ENDOV: variants seen among roughly 807,000 people sequenced by gnomAD.
ENDOV encodes the protein hEndoV.
ENDOV carries 37 observed loss-of-function variants against 39.4 expected under a neutral mutation model. The ratio of observed to expected loss-of-function variants is 0.94; its 90% CI spans 0.72 to 1.23. The LOEUF (loss-of-function observed/expected upper bound fraction) is 1.23, where lower values mean the gene tolerates loss of function less well. ENDOV is among the 50% of genes most tolerant of loss of function. The pLI is 0.00. For missense variants in ENDOV, 441 were observed against 375.7 expected (o/e 1.17, Z -1.44); for synonymous variants, 186 against 163.4 (o/e 1.14, Z -1.05).
intron 5 of ENDOV, 71 bp from the exon 6 acceptor site, chr17:80,424,959 AAT>A (rs1275342196): frequency 7.5e-7 from 1 of 1,335,022 alleles, no homozygotes; most frequent in African/African-American, 1.5e-5. Flanking sequence ...CGTCTCAAAA[AAT>A]AGAGACTTGC....
At chr17:80,418,111 G>A (rs938822840) in intron 2 of ENDOV, 4 of 152,148 alleles carry the variant, frequency 2.6e-5, no homozygotes, top group African/African-American at 9.7e-5. Context: ...CTAGCATAGG[G>A]AGTGGGGACA....
At position 80,415,683 on chromosome 17, in the gene ENDOV, C is replaced by G; in HGVS notation, c.90C>G (p.Asp30Glu). 3 of 1,612,420 alleles carry G rather than the reference C, an allele frequency of 1.9e-6. No homozygotes were observed. The highest frequency in any genetic ancestry group is 2.5e-6 in the Non-Finnish European group (3 of 1,179,344). Residue 30 changes from aspartate (D) to glutamate (E), a missense_variant, in exon 2 of 10, where the codon GAC becomes GAG. Transcript: ENST00000518137. ...CTCGGCTGAAGGCCCACGTCGTAGA[C>G]CGGGACACCGAGGCGTGGCAGCGAG... ...EQARLKAHVV[D>E]RDTEAWQRDP... is the part of the protein sequence containing the mutation.
rs2081039725 is a variant in ENDOV at position 80,415,779 on chromosome 17, C to T, written c.186C>T (p.Arg62=). ...CCTTCGTGAAAGGGGACAGTGTCCG[C>T]GCTTGTGCTTCCCTGGTGGTGCTCA... The part of the protein sequence containing the change: ...DVSFVKGDSV[R]ACASLVVLSF... The change falls in exon 2 of 10, where the codon CGC becomes CGT. Residue 62 remains arginine (R), a synonymous_variant. Coordinates refer to ENST00000518137, the MANE Select transcript of ENDOV (RefSeq NM_173627.5). 30 of 1,604,122 alleles carry T rather than the reference C, an allele frequency of 1.9e-5. No homozygotes were observed. Among genetic ancestry groups the T allele is most frequent in the Non-Finnish European group, 2.6e-5 (30 of 1,175,472 alleles).
chr17:80,419,344 C>T (rs1251017200), intron 2 of ENDOV: 2 of 514,276 alleles, frequency 3.9e-6, no homozygotes, highest in Non-Finnish European at 7.0e-6. Context: ...GAACACTGTC[C>T]TTAGCATCCC....
intron 9 of ENDOV, chr17:80,430,033 A>G: frequency 6.5e-7 from 1 of 1,535,850 alleles, no homozygotes; most frequent in Non-Finnish European, 8.7e-7. Context: ...ACCTCATCTC[A>G]GCCGCAGGTG....
rs1276756413 is a variant in ENDOV at position 80,437,355 on chromosome 17, C to A, written c.*1212C>A. 6.5e-6 allele frequency: 1 copy of A among 152,696 alleles called. No individual in the cohort carries two copies. The highest frequency in any genetic ancestry group is 1.5e-5 in the Non-Finnish European group (1 of 68,106). 9.5% of individuals were successfully genotyped at this position (152,696 alleles called of 1,614,324 possible). On this transcript the variant is annotated 3_prime_UTR_variant, in exon 10 of 10. Transcript: ENST00000518137. ...ACCGGGCAGTTCCTGACCAGCACCCCACCAAGTCCTCAGTAAGGCCTGTCT... is the reference window on the plus strand; with the variant it reads ...ACCGGGCAGTTCCTGACCAGCACCCAACCAAGTCCTCAGTAAGGCCTGTCT...
At position 80,425,612 on chromosome 17, in the gene ENDOV, G is replaced by C; in HGVS notation, c.706G>C (p.Val236Leu). The C allele has an allele frequency of 6.3e-7, 1 of 1,582,436 alleles. No homozygotes were observed. Residue 236 changes from valine to leucine, a missense_variant, in exon 7 of 10, where the codon GTG (valine) becomes CTG (leucine). By Grantham distance (32) the Val-to-Leu change is conservative. Transcript: ENST00000518137. ...CTGCAGGTTCCGGATCCCAGAGCCC[G>C]TGCGCCAGGTGGGTGTGCTGGGGAT... ...CCCRFRIPEPVRQADICSREH... is the reference protein window; with the variant it reads ...CCCRFRIPEPLRQADICSREH...
chr17:80,430,358 C>T (rs2145124975), intron 9 of ENDOV: 2 of 1,525,866 alleles, frequency 1.3e-6, no homozygotes, highest in African/African-American at 1.4e-5. Flanking sequence ...TCTCAGGATT[C>T]ATTTTTTATT....
chr17:80,415,245 G>A lies in ENDOV; in HGVS notation c.51G>A (p.Trp17Ter). The A allele has an allele frequency of 1.2e-6, 2 of 1,613,514 alleles. No individual in the cohort carries two copies. Among genetic ancestry groups the A allele is most frequent in the Non-Finnish European group, 1.7e-6 (2 of 1,179,734 alleles). The change falls in exon 1 of 10, where the codon TGG becomes TGA. Residue 17 changes from tryptophan (W) to a stop codon, truncating the protein, a stop_gained. Coordinates refer to ENST00000518137, the MANE Select transcript of ENDOV (RefSeq NM_173627.5). LOFTEE classifies it high-confidence loss of function. ...CGCCGGAGGAAACGCTGTCACTGTG[G>A]AAACGGTAATGCTGTCAGGCGACGC... ...GGPPEETLSL[W>*]KREQARLKAH...
At chr17:80,434,321 G>A (rs1485063190) in intron 9 of ENDOV, among the ~76,000 whole-genome samples, 1 of 152,216 alleles carries the variant, frequency 6.6e-6, no homozygotes, top group African/African-American at 2.4e-5. Flanking sequence ...CCATCATATG[G>A]ATCAGTATAA....
At chr17:80,423,484 C>A in intron 4 of ENDOV, 36 bp from the exon 5 acceptor site, 1 of 1,286,686 alleles carries the variant, frequency 7.8e-7, no homozygotes, top group Non-Finnish European at 1.1e-6. Context: ...GCCCCAGCCC[C>A]ACCTCCCCAA....
intron 9 of ENDOV, chr17:80,433,018 C>G (rs1482059416): frequency 2.2e-6 from 1 of 456,100 alleles, no homozygotes; most frequent in Non-Finnish European, 4.4e-6. Flanking sequence ...GGCTCAGCAC[C>G]CCCTGCCCCA....
chr17:80,428,315 C>T, intron 7 of ENDOV: 1 of 467,484 alleles, frequency 2.1e-6, no homozygotes, highest in Non-Finnish European at 3.9e-6. Context: ...GACCCAGGAC[C>T]CCCTCACTCA....
Position 80,428,851 on chromosome 17 carries a change from C to T in ENDOV, c.779+191C>T, listed in dbSNP as rs41300782. On this transcript the variant is annotated intron_variant, in intron 8 of 9. Transcript: ENST00000518137. ...GAGTGGAGTGGGGTAGACTCCTATT[C>T]TCGTGGGAACTCTCCAGAAACACCA... Among the ~76,000 whole-genome samples, 1,141 of 152,272 alleles carry T rather than the reference C, an allele frequency of 7.5e-3. 17 individuals carry two copies. Among genetic ancestry groups the T allele is most frequent in the African/African-American group, 0.026 (1,084 of 41,546 alleles).
chr17:80,427,738 C>T lies in ENDOV; in HGVS notation c.715-858C>T, dbSNP rs530618458. ...GGGGTTAGTGTTGGTCTGCTCTCTCCCTGGCTCCGCGCCGGGCCGTCTTGG... is the reference window on the plus strand; with the variant it reads ...GGGGTTAGTGTTGGTCTGCTCTCTCTCTGGCTCCGCGCCGGGCCGTCTTGG... On this transcript the variant is annotated intron_variant, in intron 7 of 9. Transcript: ENST00000518137. The T allele has an allele frequency of 2.4e-4, 311 of 1,289,348 alleles. 2 individuals are homozygous for T. The South Asian group carries it at 3.5e-3, about 15-fold the overall frequency. 79.9% of individuals were successfully genotyped at this position (1,289,348 alleles called of 1,614,324 possible). A position where few individuals can be genotyped will look rare whatever the true frequency, so the allele number is the denominator to read the frequency against.
chr17:80,425,200 C>G (rs2082539706), intron 6 of ENDOV, 100 bp downstream of exon 6: 3 of 1,040,034 alleles, frequency 2.9e-6, no homozygotes, highest in African/African-American at 3.2e-5. Context: ...TCACACTTGC[C>G]CACATCAACC....
intron 2 of ENDOV, chr17:80,419,380 T>C (rs992086344): frequency 2.2e-5 from 12 of 551,050 alleles, no homozygotes; most frequent in Non-Finnish European, 3.3e-6. Flanking sequence ...GAGCCCGTTC[T>C]GTGCCAGATG....
In ENDOV at chr17:80,436,395, T is replaced by G; in HGVS notation, c.*252T>G. On this transcript the variant is annotated 3_prime_UTR_variant, in exon 10 of 10. Coordinates refer to ENST00000518137, the MANE Select transcript of ENDOV (RefSeq NM_173627.5). ...TGCAGTCTTTCACCACTAGATGTGA[T>G]GTGAGCTGTTAGATTTTCAAGGATG... The G allele has an allele frequency of 7.1e-7, 1 of 1,410,350 alleles. No homozygotes were observed. The highest frequency in any genetic ancestry group is 9.4e-7 in the Non-Finnish European group (1 of 1,069,278). 87.4% of individuals were successfully genotyped at this position (1,410,350 alleles called of 1,614,324 possible). A position where few individuals can be genotyped will look rare whatever the true frequency, so the allele number is the denominator to read the frequency against.
At chr17:80,427,551 C>T in intron 7 of ENDOV, 1 of 1,066,304 alleles carries the variant, frequency 9.4e-7, no homozygotes, top group Non-Finnish European at 1.1e-6. Flanking sequence ...TATGCAGCCA[C>T]CCCGTACCAG....
Sources: allele counts gnomAD v4.1 joint callset (sites outside exome capture counted in the v4.1 genomes callset), GRCh38; gene constraint gnomAD v4.1.1; transcripts MANE v1.5; gene names NCBI Gene and HGNC (gene_info 2026-07-23, HGNC 2026-07-21).